CDC34: variants seen among roughly 807,000 people sequenced by gnomAD.
CDC34 encodes ubiquitin-conjugating enzyme E2 R1.
CDC34 carries 18 observed loss-of-function variants against 26.8 expected under a neutral mutation model. The ratio of observed to expected loss-of-function variants is 0.67; its 90% confidence interval spans 0.47 to 1.00. The LOEUF (loss-of-function observed/expected upper bound fraction) is 1.00, where lower values mean the gene tolerates loss of function less well. CDC34 is among the 50% of genes least tolerant of loss of function. CDC34 has a pLI of 0.00. For synonymous variants in CDC34, 178 were observed against 147.5 expected, an observed-to-expected ratio of 1.21 and a Z score of -1.50; for missense variants, 280 against 334.5, an observed-to-expected ratio of 0.84 and a Z score of 1.27.
intron 4 of CDC34, chr19:538,729 G>A (rs1432259271): frequency 1.5e-5 from 15 of 985,264 alleles, no homozygotes; most frequent in Non-Finnish European, 1.8e-5. Flanking sequence ...GGTACCTGGT[G>A]TCGTGGGGTC....
At chr19:539,133 C>G in intron 4 of CDC34, 1 of 570,536 alleles carries the variant, frequency 1.8e-6, no homozygotes, top group Non-Finnish European at 2.2e-6. Context: ...CTCGTGGCAG[C>G]CCAAGTCCCG....
At chr19:535,716 G>T (rs565504757) in intron 1 of CDC34, 121 bp from the exon 2 acceptor site, 50 of 784,142 alleles carry the variant, frequency 6.4e-5, no homozygotes, top group East Asian at 5.8e-4. Context: ...GCAGGATACG[G>T]TGTCCCTCAC....
In CDC34 at chr19:537,263, G is replaced by T. The variant is rs974426967; in HGVS notation, c.497+116G>T. On this transcript the variant is annotated intron_variant, in intron 4 of 4. Transcript: ENST00000215574. ...CTGGTGAGGGTGGCGGAGCTTCCTG[G>T]TGCCCATTTACAGGGTGCCAGTCAC... 66 of 1,237,270 alleles carry T rather than the reference G, an allele frequency of 5.3e-5. 2 individuals carry two copies. The East Asian group carries it at 9.8e-4, about 18-fold the overall frequency. The allele number at this position is 1,237,270 out of a possible 1,614,324, so 76.6% of individuals were successfully genotyped here.
rs1979785920 is a variant in CDC34, at chr19:537,000, A to G, written c.363-13A>G. 2 of 1,612,820 alleles carry G rather than the reference A, an allele frequency of 1.2e-6. No individual in the cohort carries two copies. Among genetic ancestry groups the G allele is most frequent in the Non-Finnish European group, 1.7e-6 (2 of 1,179,764 alleles). On this transcript the variant is annotated splice_polypyrimidine_tract_variant and intron_variant, in intron 3 of 4. Coordinates refer to ENST00000215574, the MANE Select transcript of CDC34 (RefSeq NM_004359.2). Reference sequence around the variant, plus strand: ...GCCCCGGGCCGCCCCACTCCGACCCACTCTCCCCACAGGACCATTCTCCTG... The same window carrying G: ...GCCCCGGGCCGCCCCACTCCGACCCGCTCTCCCCACAGGACCATTCTCCTG...
rs901033129 is a variant in CDC34, at chr19:531,827, C to T, written c.-105C>T. 6.9e-6 allele frequency: 4 copies of T among 576,262 alleles called. No individual in the cohort carries two copies. Among genetic ancestry groups the T allele is most frequent in the Non-Finnish European group, 9.2e-6 (4 of 433,908 alleles). 35.7% of individuals were successfully genotyped at this position (576,262 alleles called of 1,614,324 possible). A position where few individuals can be genotyped will look rare whatever the true frequency, so the allele number is the denominator to read the frequency against. ...CGCAGAGGAGGAGGCAGGCGGCGGC[C>T]CCGGTGGCTCCCCCCCGGACGGTGC... On this transcript the variant is annotated 5_prime_UTR_variant, in exon 1 of 5. Transcript: ENST00000215574.
intron 1 of CDC34, among the ~76,000 whole-genome samples, chr19:534,484 A>C (rs11881969): frequency 6.8e-5 from 2 of 29,558 alleles, no homozygotes; most frequent in Admixed American, 4.5e-4. Flanking sequence ...TCCAGACCTC[A>C]CCCACGATCC....
At chr19:539,422 G>A (rs16990610) in intron 4 of CDC34, among the ~76,000 whole-genome samples, 3 of 151,946 alleles carry the variant, frequency 2.0e-5, no homozygotes, top group Admixed American at 6.5e-5. Context: ...CGTCCCCGGG[G>A]CACTGTCAGT....
rs1979513693 is a variant in CDC34, at chr19:532,063, C to A, written c.132C>A (p.Ala44=). 6.6e-7 allele frequency: 1 copy of A among 1,522,400 alleles called. No individual in the cohort carries two copies. The allele number at this position is 1,522,400 out of a possible 1,614,324, so 94.3% of individuals were successfully genotyped here. The change falls in exon 1 of 5, where the codon GCC becomes GCA. Residue 44 remains alanine (A), a synonymous_variant. Transcript: ENST00000215574. ...DEGDLYNWEV[A]IFGPPNTYYE... ...GCGATCTATACAACTGGGAGGTGGC[C>A]ATCTTCGGGCCCCCCAACACCTACT...
intron 4 of CDC34, among the ~76,000 whole-genome samples, chr19:537,815 C>T (rs1242828032): frequency 3.3e-5 from 5 of 151,804 alleles, no homozygotes; most frequent in Non-Finnish European, 7.4e-5. Flanking sequence ...ACTACCACGC[C>T]GAGCTAATTT....
At chr19:537,422 G>A (rs936439715) in intron 4 of CDC34, among the ~76,000 whole-genome samples, 3 of 151,972 alleles carry the variant, frequency 2.0e-5, no homozygotes, top group East Asian at 3.9e-4. Context: ...GCGCGATCTC[G>A]GCTCACTGCA....
chr19:536,335 C>G lies in CDC34; in HGVS notation c.357C>G (p.Asn119Lys). 6.2e-7 allele frequency: 1 copy of G among 1,611,394 alleles called. No individual in the cohort carries two copies. The highest frequency in any genetic ancestry group is 8.5e-7 in the Non-Finnish European group (1 of 1,179,082). The change falls in exon 3 of 5, where the codon AAC becomes AAG. Residue 119 changes from asparagine (N) to lysine (K), a missense_variant. By Grantham distance (94) the Asn-to-Lys change is moderately conservative (BLOSUM62 0). Coordinates refer to ENST00000215574, the MANE Select transcript of CDC34 (RefSeq NM_004359.2). ...LPSERWNPTQ[N>K]VRTILLSVIS... ...CAGAGAGGTGGAACCCCACGCAGAA[C>G]GTCAGGTAAGCCGGCCCAACCCCCT...
At chr19:536,020 G>A in intron 2 of CDC34, 97 bp downstream of exon 2, 2 of 1,261,082 alleles carry the variant, frequency 1.6e-6, no homozygotes, top group Non-Finnish European at 2.3e-6. Context: ...GGGGCGCTGG[G>A]AGCCTCACGT....
chr19:539,700 T>C (rs1460021290), intron 4 of CDC34, among the ~76,000 whole-genome samples: 1 of 152,142 alleles, frequency 6.6e-6, no homozygotes, highest in Non-Finnish European at 1.5e-5. Context: ...TCGAGCCCAT[T>C]GCCTGCGGCT....
chr19:536,908 C>A, intron 3 of CDC34, 105 bp from the exon 4 acceptor site: 9 of 1,334,412 alleles, frequency 6.7e-6, no homozygotes, highest in Non-Finnish European at 8.5e-6. Context: ...AGGTGAAGGT[C>A]ACCTGCTGGG....
At chr19:538,139 A>G (rs1019496839) in intron 4 of CDC34, among the ~76,000 whole-genome samples, 8 of 148,934 alleles carry the variant, frequency 5.4e-5, no homozygotes, top group African/African-American at 1.7e-4. Context: ...GTTAGGGAAC[A>G]TGTGTCTGTG....
In CDC34 at chr19:541,386, A is replaced by G; in HGVS notation, c.545A>G (p.Lys182Arg). ...GTGGACGCGGAGCGTGACGGCGTGA[A>G]GGTGCCCACCACGCTGGCCGAGTAC... is the stretch of plus-strand genomic sequence containing the variant. The part of the protein sequence containing the change: ...TKVDAERDGV[K>R]VPTTLAEYCV... The change falls in exon 5 of 5, where the codon AAG (lysine) becomes AGG (arginine). Residue 182 changes from lysine (K) to arginine (R), a missense_variant. Physicochemically the swap from Lys to Arg is conservative, Grantham distance 26. Coordinates refer to ENST00000215574, the MANE Select transcript of CDC34 (RefSeq NM_004359.2). 1 of 1,607,690 alleles carries G rather than the reference A, an allele frequency of 6.2e-7. No individual in the cohort carries two copies.
intron 4 of CDC34, among the ~76,000 whole-genome samples, chr19:539,812 C>G (rs10853979): frequency 6.6e-6 from 1 of 151,892 alleles, no homozygotes; most frequent in Non-Finnish European, 1.5e-5. Context: ...GGGGGACATT[C>G]TTGACGCGTG....
chr19:541,210 A>T, intron 4 of CDC34, 129 bp from the exon 5 acceptor site: 1 of 1,224,266 alleles, frequency 8.2e-7, no homozygotes, highest in South Asian at 1.6e-5. Flanking sequence ...CTTTGTCCTA[A>T]GTGGTCGCCA....
intron 4 of CDC34, chr19:538,824 G>T (rs1446543305): frequency 2.0e-6 from 2 of 985,098 alleles, no homozygotes; most frequent in Non-Finnish European, 2.4e-6. Flanking sequence ...CTGGGAAGTG[G>T]CCTGCAAGCA....
Sources: gnomAD v4.1 joint callset for allele counts (sites outside exome capture counted in the v4.1 genomes callset) on GRCh38, gnomAD v4.1.1 for gene constraint, MANE v1.5 for transcripts, NCBI Gene and HGNC (gene_info 2026-07-23, HGNC 2026-07-21) for gene names.